Variants in KTN1 observed in about 807,000 individuals in gnomAD.
KTN1 encodes kinectin.
KTN1 carries 130 observed loss-of-function variants against 222.5 expected under a neutral mutation model. The ratio of observed to expected loss-of-function variants is 0.58; its 90% CI spans 0.51 to 0.68. The LOEUF is 0.68. Among genes scored for constraint, KTN1 ranks in the 30% least tolerant of loss-of-function variants. The pLI is 0.00. For missense variants in KTN1, 1,508 were observed against 1,500.4 expected, an observed-to-expected ratio of 1.01 and a Z score of -0.08; for synonymous variants, 512 against 496.3, an observed-to-expected ratio of 1.03 and a Z score of -0.42.
At chr14:55,648,002 G>A (rs763787695) in intron 19 of KTN1, 23 bp from the exon 20 acceptor site, 1 of 986,924 alleles carries the variant, frequency 1.0e-6, no homozygotes, top group Non-Finnish European at 1.5e-6. Flanking sequence ...GTTAATACAT[G>A]TGTTACAAAT....
chr14:55,600,253 A>G (rs2035771893), intron 1 of KTN1, among the ~76,000 whole-genome samples: 1 of 151,958 alleles, frequency 6.6e-6, no homozygotes, highest in Admixed American at 6.5e-5. Flanking sequence ...TAATTAACCC[A>G]TTATGTTCAA....
Position 55,633,805 on chromosome 14 carries a change from A to C in KTN1, c.1328+464A>C, listed in dbSNP as rs538937988. On this transcript the variant is annotated intron_variant, in intron 8 of 43. Transcript: ENST00000395314. Reference sequence around the variant, plus strand: ...TGAGTCCTCCCCTTAAAAGATTATGATTCACTGACTCTGAGGTAGAGCCCA... The same window carrying C: ...TGAGTCCTCCCCTTAAAAGATTATGCTTCACTGACTCTGAGGTAGAGCCCA... 3.3e-5 allele frequency among the ~76,000 whole-genome samples: 5 copies of C among 152,136 alleles called. No individual in the cohort carries two copies. The East Asian group carries it at 7.7e-4, about 24-fold the overall frequency.
chr14:55,683,547 A>G (rs1291534561), intron 43 of KTN1: 1 of 152,132 alleles, frequency 6.6e-6, no homozygotes. Flanking sequence ...ACATTTTGTC[A>G]ATTGTACCCA....
intron 34 of KTN1, among the ~76,000 whole-genome samples, chr14:55,669,761 G>A (rs927664317): frequency 1.1e-4 from 16 of 151,946 alleles, no homozygotes; most frequent in African/African-American, 3.6e-4. Context: ...GTTAAATAGT[G>A]TTTTAAAACT....
chr14:55,631,032 CAG>C (rs2040443486), intron 7 of KTN1, among the ~76,000 whole-genome samples: 1 of 151,972 alleles, frequency 6.6e-6, no homozygotes, highest in Admixed American at 6.6e-5. Flanking sequence ...TCAGAAGGCT[CAG>C]TTTTTACAGT....
At chr14:55,677,693 C>A (rs994496529) in intron 41 of KTN1, among the ~76,000 whole-genome samples, 1 of 151,980 alleles carries the variant, frequency 6.6e-6, no homozygotes, top group African/African-American at 2.4e-5. Context: ...TAACATAACC[C>A]TTTATTTTAT....
In KTN1 at chr14:55,650,565, C is replaced by T. The variant is rs200347285; in HGVS notation, c.2497-4C>T. 28 of 1,608,144 alleles carry T rather than the reference C, an allele frequency of 1.7e-5. 1 individual carries two copies. In the Middle Eastern group the frequency reaches 5.0e-4, roughly 28 times the overall value. On this transcript the variant is annotated splice_polypyrimidine_tract_variant and splice_region_variant and intron_variant, in intron 23 of 43. Coordinates refer to ENST00000395314, the MANE Select transcript of KTN1 (RefSeq NM_001079521.2). The stretch of plus-strand genomic sequence containing the variant: ...CCAATCTTGTCTGTTTTGTCATTGT[C>T]AAGGATTTGAAACAGGAAATAAAGG...
chr14:55,678,231 G>GA (rs111350092), intron 41 of KTN1, 121 bp from the exon 42 acceptor site: 4 of 625,162 alleles, frequency 6.4e-6, no homozygotes, highest in African/African-American at 1.9e-5. Context: ...ATTTTGGAGG[G>GA]AAAAACCTGT....
chr14:55,667,124 AT>A (rs1192216094), intron 33 of KTN1, 116 bp from the exon 34 acceptor site: 11 of 642,170 alleles, frequency 1.7e-5, no homozygotes, highest in Non-Finnish European at 2.4e-5. Context: ...AGTATTAAAA[AT>A]TTTTTTTAAA....
At chr14:55,672,531 A>G in intron 37 of KTN1, 99 bp from the exon 38 acceptor site, 2 of 693,896 alleles carry the variant, frequency 2.9e-6, no homozygotes, top group Non-Finnish European at 5.0e-6. Flanking sequence ...TGCATTTCAA[A>G]ACCTTGGAAG....
At chr14:55,622,343 G>A (rs1040935670) in intron 5 of KTN1, among the ~76,000 whole-genome samples, 9 of 151,988 alleles carry the variant, frequency 5.9e-5, no homozygotes, top group African/African-American at 2.2e-4. Flanking sequence ...GTTTGTAATA[G>A]TACTCTTCTA....
chr14:55,620,763 C>A (rs1456261394), intron 5 of KTN1, among the ~76,000 whole-genome samples: 1 of 152,142 alleles, frequency 6.6e-6, no homozygotes, highest in Non-Finnish European at 1.5e-5. Flanking sequence ...AGGTCTCCAG[C>A]CCATGATAGG....
intron 43 of KTN1, chr14:55,680,813 T>A: frequency 1.3e-6 from 1 of 790,200 alleles, no homozygotes; most frequent in Non-Finnish European, 2.0e-6. Context: ...CAAAAGTAAT[T>A]AAGCCTCAGC....
In KTN1 at chr14:55,612,432, G is replaced by C; in HGVS notation, c.384G>C (p.Gln128His). 6.2e-7 allele frequency: 1 copy of C among 1,614,074 alleles called. No individual in the cohort carries two copies. The highest frequency in any genetic ancestry group is 2.2e-5 in the East Asian group (1 of 44,876). The change falls in exon 2 of 44, where the codon CAG (glutamine) becomes CAC (histidine). Residue 128 changes from glutamine (Q) to histidine (H), a missense_variant. Physicochemically the swap from Gln to His is conservative, Grantham distance 24. Transcript: ENST00000395314. ...AACAAAAGCCTGTGCTTGAAGAGCA[G>C]GTCATCAAAGAAAGTGACGCATCAA... ...EKKQKPVLEE[Q>H]VIKESDASKI...
At position 55,648,722 on chromosome 14, in the gene KTN1, AT is replaced by A. The variant is rs1424510348; in HGVS notation, c.2299-79del. On this transcript the variant is annotated intron_variant, in intron 20 of 43. Coordinates refer to ENST00000395314, the MANE Select transcript of KTN1 (RefSeq NM_001079521.2). ...GAGTAGAAAAGAAGCAGCTAAAGAAATGAGAAACTAATGTATTTTGAAGCTA... is the reference window on the plus strand; with the variant it reads ...GAGTAGAAAAGAAGCAGCTAAAGAAAGAGAAACTAATGTATTTTGAAGCTA... The A allele has an allele frequency of 9.8e-6, 9 of 919,072 alleles. No homozygotes were observed. In the Admixed American group the frequency reaches 1.5e-4, roughly 15 times the overall value. The allele number at this position is 919,072 out of a possible 1,614,324, so 56.9% of individuals were successfully genotyped here. A position where few individuals can be genotyped will look rare whatever the true frequency, so the allele number is the denominator to read the frequency against.
chr14:55,604,861 G>C (rs1232693776), intron 1 of KTN1, among the ~76,000 whole-genome samples: 1 of 152,184 alleles, frequency 6.6e-6, no homozygotes, highest in Non-Finnish European at 1.5e-5. Flanking sequence ...GCAGGGATAA[G>C]GTGAAGTGCT....
chr14:55,675,750 C>T (rs532838808), intron 40 of KTN1, 85 bp from the exon 41 acceptor site: 2 of 840,890 alleles, frequency 2.4e-6, no homozygotes, highest in South Asian at 3.1e-5. Context: ...TTAGCAGTCC[C>T]ATTCATTCTT....
At chr14:55,610,351 T>C (rs1267267510) in intron 1 of KTN1, among the ~76,000 whole-genome samples, 1 of 150,598 alleles carries the variant, frequency 6.6e-6, no homozygotes, top group Non-Finnish European at 1.5e-5. Context: ...TCAGTAACAA[T>C]TGGTTAAAAA....
At chr14:55,668,836 G>A (rs2045151100) in intron 34 of KTN1, 1 of 152,050 alleles carries the variant, frequency 6.6e-6, no homozygotes. Flanking sequence ...TCTATTTGTA[G>A]TCTGAGTTAA....
Sources: allele counts gnomAD v4.1 joint callset (sites outside exome capture counted in the v4.1 genomes callset), GRCh38; gene constraint gnomAD v4.1.1; transcripts MANE v1.5; gene names NCBI Gene and HGNC (gene_info 2026-07-23, HGNC 2026-07-21).